Variants in VWA3B observed in about 807,000 individuals in gnomAD.
The protein encoded by VWA3B is von Willebrand factor A domain containing 3B.
Under a neutral mutation model 158.3 loss-of-function variants are expected in VWA3B, and 138 were observed. That is an observed-to-expected ratio of 0.87 (90% CI 0.76 to 1.00). The LOEUF is 1.00. Ranked by LOEUF, VWA3B falls within the 50% of genes least tolerant of loss-of-function variation. The pLI is 0.00. For missense variants in VWA3B, 1,555 were observed against 1,565.1 expected (o/e 0.99, Z 0.11); for synonymous variants, 596 against 587.3 (o/e 1.01, Z -0.21).
At position 98,176,883 on chromosome 2, in the gene VWA3B, A is replaced by AC. The variant is rs202028009; in HGVS notation, c.1115-4130dup. Among the ~76,000 whole-genome samples, 703 of 152,244 alleles carry AC rather than the reference A, an allele frequency of 4.6e-3. 6 individuals are homozygous for AC. Among genetic ancestry groups the AC allele is most frequent in the African/African-American group, 0.016 (676 of 41,538 alleles). On this transcript the variant is annotated intron_variant, in intron 8 of 27. Transcript: ENST00000477737. ...ATGCAGTGGAAGCAGTTTCTGTGGG[A>AC]CCCACTCTTGGAAACATCAGACTTG...
intron 12 of VWA3B, chr2:98,206,524 G>T: frequency 2.0e-6 from 1 of 493,948 alleles, no homozygotes; most frequent in Non-Finnish European, 4.0e-6. Flanking sequence ...AGAAAGTCCT[G>T]GATTCTGGTG....
chr2:98,310,143 A>G (rs961956767), intron 26 of VWA3B, among the ~76,000 whole-genome samples: 1 of 152,190 alleles, frequency 6.6e-6, no homozygotes, highest in South Asian at 2.1e-4. Context: ...CCGGGTCTTC[A>G]TCAAACATCT....
At chr2:98,221,730 G>A (rs1318006000) in intron 14 of VWA3B, among the ~76,000 whole-genome samples, 2 of 152,166 alleles carry the variant, frequency 1.3e-5, no homozygotes, top group East Asian at 3.9e-4. Context: ...ATCCCTGAGT[G>A]GGCAGGAGCA....
intron 14 of VWA3B, among the ~76,000 whole-genome samples, chr2:98,225,701 T>G (rs905285269): frequency 1.5e-5 from 2 of 136,792 alleles, no homozygotes; most frequent in Non-Finnish European, 3.3e-5. Flanking sequence ...CCCCAGGAGA[T>G]CTACAAAAAA....
chr2:98,152,237 CT>C (rs1677696823), intron 7 of VWA3B, among the ~76,000 whole-genome samples: 1 of 152,184 alleles, frequency 6.6e-6, no homozygotes, highest in Non-Finnish European at 1.5e-5. Flanking sequence ...ACCTACTTCT[CT>C]GTTGTCAGAC....
At chr2:98,228,456 T>G (rs879439425) in intron 15 of VWA3B, 124 bp downstream of exon 15, 1 of 1,176,476 alleles carries the variant, frequency 8.5e-7, no homozygotes, top group Non-Finnish European at 1.1e-6. Flanking sequence ...AATCACGTAG[T>G]GTGATTAAGT....
intron 22 of VWA3B, among the ~76,000 whole-genome samples, chr2:98,272,508 G>C (rs950013050): frequency 6.6e-6 from 1 of 152,058 alleles, no homozygotes; most frequent in African/African-American, 2.4e-5. Context: ...AGGGATGATC[G>C]ATTAAAGCAT....
chr2:98,297,278 C>T (rs543807222), intron 23 of VWA3B, among the ~76,000 whole-genome samples: 63 of 152,088 alleles, frequency 4.1e-4, no homozygotes, highest in African/African-American at 1.5e-3. Flanking sequence ...GACGGGGTTT[C>T]ACCATGTTAG....
At position 98,211,982 on chromosome 2, in the gene VWA3B, A is replaced by G; in HGVS notation, c.1790A>G (p.Lys597Arg). 1 of 1,614,174 alleles carries G rather than the reference A, an allele frequency of 6.2e-7. No individual in the cohort carries two copies. The highest frequency in any genetic ancestry group is 8.5e-7 in the Non-Finnish European group (1 of 1,180,018). The change falls in exon 13 of 28, where the codon AAA (lysine) becomes AGA (arginine). Residue 597 changes from lysine to arginine, a missense_variant. Physicochemically the swap from Lys to Arg is conservative, Grantham distance 26. Coordinates refer to ENST00000477737, the MANE Select transcript of VWA3B (RefSeq NM_144992.5). ...LSALKTAFAD[K>R]ETQAIYLLTD... is the part of the protein sequence containing the mutation. ...GCCCTGAAAACTGCTTTTGCTGATA[A>G]AGAAACACAGGCAATCTACCTTCTG...
At chr2:98,101,722 C>T (rs1321295604) in intron 2 of VWA3B, among the ~76,000 whole-genome samples, 2 of 152,106 alleles carry the variant, frequency 1.3e-5, no homozygotes, top group Non-Finnish European at 2.9e-5. Flanking sequence ...ACATGGACTA[C>T]AGCCCTGTGC....
At chr2:98,144,570 T>C (rs575756456) in intron 7 of VWA3B, among the ~76,000 whole-genome samples, 15 of 151,490 alleles carry the variant, frequency 9.9e-5, no homozygotes, top group East Asian at 9.7e-4. Flanking sequence ...TTCTTTCTTT[T>C]TTTTTTTTTT....
chr2:98,146,060 A>G (rs529953166), intron 7 of VWA3B, among the ~76,000 whole-genome samples: 2 of 151,616 alleles, frequency 1.3e-5, no homozygotes, highest in South Asian at 2.1e-4. Context: ...TTTATATTTC[A>G]TCTTTTCTTG....
rs555317718 is a variant in VWA3B at position 98,292,459 on chromosome 2, G to A, written c.3157+1837G>A. ...GATAAATGTGCTTGGGAGTTGCCTG[G>A]ATGAGAGTAAATATGGATCCCAGCA... On this transcript the variant is annotated intron_variant, in intron 23 of 27. Coordinates refer to ENST00000477737, the MANE Select transcript of VWA3B (RefSeq NM_144992.5). Among the ~76,000 whole-genome samples the A allele has an allele frequency of 2.3e-3, 350 of 152,232 alleles. 3 individuals are homozygous for A. Among genetic ancestry groups the A allele is most frequent in the Admixed American group, 5.6e-3 (86 of 15,286 alleles).
chr2:98,209,869 C>T (rs1257587025), intron 12 of VWA3B, among the ~76,000 whole-genome samples: 3 of 152,170 alleles, frequency 2.0e-5, no homozygotes, highest in African/African-American at 4.8e-5. Flanking sequence ...TCGGCGCAGT[C>T]GCTGTGTTTG....
chr2:98,113,764 G>T (rs10200560), intron 2 of VWA3B, among the ~76,000 whole-genome samples: 36,956 of 151,966 alleles, frequency 0.24, 4,979 homozygotes, highest in African/African-American at 0.36. Context: ...TTTATAATAT[G>T]GGGTCTTTTG....
At chr2:98,210,163 T>G (rs768187509) in intron 12 of VWA3B, among the ~76,000 whole-genome samples, 2 of 152,184 alleles carry the variant, frequency 1.3e-5, no homozygotes, top group Non-Finnish European at 2.9e-5. Context: ...CTGGCCCCTC[T>G]CCTCCTATGG....
In VWA3B at chr2:98,193,008, T is replaced by G. The variant is rs946446127; in HGVS notation, c.1577T>G (p.Val526Gly). 1.9e-6 allele frequency: 3 copies of G among 1,613,958 alleles called. No homozygotes were observed. The highest frequency in any genetic ancestry group is 1.6e-4 in the Middle Eastern group (1 of 6,082). Residue 526 changes from valine to glycine, a missense_variant, in exon 11 of 28, where the codon GTG becomes GGG. Val to Gly is a moderately radical substitution (Grantham distance 109). Coordinates refer to ENST00000477737, the MANE Select transcript of VWA3B (RefSeq NM_144992.5). The part of the protein sequence containing the change: ...SHSMKSKLDL[V>G]KDKIIQFIQE... ...TCAATGAAGAGCAAACTGGACTTGG[T>G]GAAGGACAAGATCATTCAGTTCATA...
At chr2:98,184,923 G>A (rs898237632) in intron 9 of VWA3B, among the ~76,000 whole-genome samples, 1 of 152,172 alleles carries the variant, frequency 6.6e-6, no homozygotes, top group Non-Finnish European at 1.5e-5. Flanking sequence ...GTCAGTCCTC[G>A]AAGATTATGG....
At chr2:98,128,852 C>T (rs1675592852) in intron 6 of VWA3B, among the ~76,000 whole-genome samples, 1 of 152,246 alleles carries the variant, frequency 6.6e-6, no homozygotes, top group South Asian at 2.1e-4. Flanking sequence ...ATTCAAATAG[C>T]CTGCTTACCC....
Sources: gnomAD v4.1 joint callset for allele counts (sites outside exome capture counted in the v4.1 genomes callset) on GRCh38, gnomAD v4.1.1 for gene constraint, MANE v1.5 for transcripts, NCBI Gene and HGNC (gene_info 2026-07-23, HGNC 2026-07-21) for gene names.